ANKS6: variants seen among roughly 807,000 people sequenced by gnomAD.
ANKS6 encodes ankyrin repeat and sterile alpha motif domain containing 6.
Under a neutral mutation model 77.9 loss-of-function variants are expected in ANKS6, and 47 were observed. The ratio of observed to expected loss-of-function variants is 0.60; its 90% CI spans 0.48 to 0.77. The LOEUF (loss-of-function observed/expected upper bound fraction) is 0.77, where lower values mean the gene tolerates loss of function less well. ANKS6 is among the 30% of genes least tolerant of loss of function. ANKS6 has a pLI of 0.00. For synonymous variants in ANKS6, 488 were observed against 501.7 expected (o/e 0.97, Z 0.37); for missense variants, 1,150 against 1,159.1 (o/e 0.99, Z 0.11).
At chr9:98,738,884 G>GAT (rs926531009) in intron 14 of ANKS6, among the ~76,000 whole-genome samples, 10 of 152,240 alleles carry the variant, frequency 6.6e-5, no homozygotes, top group African/African-American at 1.7e-4. Context: ...AGAAAACTGT[G>GAT]ATATATATAT....
At chr9:98,787,853 T>C (rs1372262922) in intron 2 of ANKS6, among the ~76,000 whole-genome samples, 1 of 152,244 alleles carries the variant, frequency 6.6e-6, no homozygotes, top group Non-Finnish European at 1.5e-5. Context: ...CAGATCCTGC[T>C]GGAAGACCCG....
At chr9:98,756,638 C>A in intron 11 of ANKS6, 35 bp from the exon 12 acceptor site, 1 of 1,454,472 alleles carries the variant, frequency 6.9e-7, no homozygotes, top group Non-Finnish European at 9.1e-7. Flanking sequence ...CATAAGCCAT[C>A]ACCTGTAGGG....
At position 98,756,408 on chromosome 9, in the gene ANKS6, C is replaced by G. The variant is rs1201078907; in HGVS notation, c.2326+12G>C. 1 of 1,610,248 alleles carries G rather than the reference C, an allele frequency of 6.2e-7. No homozygotes were observed. Among genetic ancestry groups the G allele is most frequent in the Non-Finnish European group, 8.5e-7 (1 of 1,178,420 alleles). On this transcript the variant is annotated intron_variant, in intron 12 of 14. Transcript: ENST00000353234. ...AGGAATAGGTGGGGTTTCAGGCCCT[C>G]AGGGGACTCACCCTCATCTGTGATG... is the stretch of plus-strand genomic sequence containing the variant.
chr9:98,736,381 A>G lies in ANKS6; in HGVS notation c.*138T>C. ...GAAGTACTACCAATGAATGCCGTCG[A>G]CGTGAAGTGGGCATCCCGAGCAAAG... On this transcript the variant is annotated 3_prime_UTR_variant, in exon 15 of 15. Coordinates refer to ENST00000353234, the MANE Select transcript of ANKS6 (RefSeq NM_173551.5). 1.4e-6 allele frequency: 2 copies of G among 1,432,684 alleles called. No individual in the cohort carries two copies. The highest frequency in any genetic ancestry group is 2.5e-5 in the East Asian group (1 of 39,650). The allele number at this position is 1,432,684 out of a possible 1,614,324, so 88.7% of individuals were successfully genotyped here.
At position 98,784,058 on chromosome 9, in the gene ANKS6, G is replaced by C; in HGVS notation, c.1007C>G (p.Thr336Arg). The C allele has an allele frequency of 1.2e-6, 2 of 1,611,072 alleles. No individual in the cohort carries two copies. Among genetic ancestry groups the C allele is most frequent in the East Asian group, 4.5e-5 (2 of 44,708 alleles). ...CAGCTGCACCAGAGCCAGCTGCCCCGTAACAGCTGCTAGCATCAGTGGCGT... is the reference window on the plus strand; with the variant it reads ...CAGCTGCACCAGAGCCAGCTGCCCCCTAACAGCTGCTAGCATCAGTGGCGT... ...GATPLMLAAV[T>R]GQLALVQLLV... The change falls in exon 4 of 15, where the codon ACG becomes AGG. Residue 336 changes from threonine to arginine, a missense_variant. By Grantham distance (71) the Thr-to-Arg change is moderately conservative. Transcript: ENST00000353234.
intron 1 of ANKS6, among the ~76,000 whole-genome samples, chr9:98,793,001 C>T (rs1439173739): frequency 2.0e-5 from 3 of 152,174 alleles, no homozygotes; most frequent in African/African-American, 7.2e-5. Flanking sequence ...AGGTAACTGC[C>T]GGAGATGGGC....
Position 98,751,107 on chromosome 9 carries a change from G to C in ANKS6, c.2327-11C>G. 1 of 1,588,208 alleles carries C rather than the reference G, an allele frequency of 6.3e-7. No individual in the cohort carries two copies. The highest frequency in any genetic ancestry group is 8.6e-7 in the Non-Finnish European group (1 of 1,168,252). On this transcript the variant is annotated splice_polypyrimidine_tract_variant and intron_variant, in intron 12 of 14. Transcript: ENST00000353234. ...TTCCAGTCAGTTCATCTTCAAGATGGAAAGGTGAAAAAAAAACAACACATT... is the reference window on the plus strand; with the variant it reads ...TTCCAGTCAGTTCATCTTCAAGATGCAAAGGTGAAAAAAAAACAACACATT...
intron 11 of ANKS6, 129 bp downstream of exon 11, chr9:98,767,952 G>T: frequency 1.5e-6 from 2 of 1,290,958 alleles, no homozygotes; most frequent in Non-Finnish European, 2.1e-6. Flanking sequence ...GCCCAGGAGT[G>T]GCTGGCTGGA....
intron 11 of ANKS6, among the ~76,000 whole-genome samples, chr9:98,757,181 C>T (rs903618361): frequency 6.6e-6 from 1 of 152,192 alleles, no homozygotes; most frequent in East Asian, 1.9e-4. Context: ...ATATCTACAT[C>T]GTCACAGTAT....
Position 98,778,400 on chromosome 9 carries a change from G to T in ANKS6, c.1393C>A (p.Arg465=). The change falls in exon 7 of 15, where the codon CGG becomes AGG. Residue 465 remains arginine (R), a synonymous_variant. Transcript: ENST00000353234. ...LKSWWNRMSN[R]FRKLKLMQTL... ...TGCATCAGTTTGAGCTTTCGGAACC[G>T]ATTGGACATTCGGTTCCACCAGGAC... 5 of 1,613,998 alleles carry T rather than the reference G, an allele frequency of 3.1e-6. No individual in the cohort carries two copies. Among genetic ancestry groups the T allele is most frequent in the East Asian group, 2.2e-5 (1 of 44,868 alleles).
chr9:98,791,613 T>C lies in ANKS6; in HGVS notation c.360-1007A>G, dbSNP rs1164679747. Among the ~76,000 whole-genome samples the C allele has an allele frequency of 6.6e-6, 1 of 152,126 alleles. No homozygotes were observed. Among genetic ancestry groups the C allele is most frequent in the Non-Finnish European group, 1.5e-5 (1 of 68,034 alleles). On this transcript the variant is annotated intron_variant, in intron 1 of 14. Transcript: ENST00000353234. This position sits in a 1 kb window ranked among gnomAD's most constrained non-coding sequence, Gnocchi z 4.3. ...CGGCCCTGGACTAACAAGAAAACAA[T>C]GACAAGACAGGGGCTGTCTACTCCA...
intron 11 of ANKS6, among the ~76,000 whole-genome samples, chr9:98,760,163 C>A (rs184584604): frequency 2.1e-4 from 32 of 152,150 alleles, no homozygotes; most frequent in Middle Eastern, 3.4e-3. Context: ...GGGCAAGGCA[C>A]GGAGGAAGGG....
chr9:98,767,321 C>A (rs532511998), intron 11 of ANKS6, among the ~76,000 whole-genome samples: 125 of 152,270 alleles, frequency 8.2e-4, no homozygotes, highest in African/African-American at 3.0e-3. Flanking sequence ...TTCCCTCACA[C>A]CAGAACAGTT....
chr9:98,778,268 G>T lies in ANKS6; in HGVS notation c.1525C>A (p.Arg509Ser), dbSNP rs150567578. 477 of 1,614,186 alleles carry T rather than the reference G, an allele frequency of 3.0e-4. No individual in the cohort carries two copies. In the African/African-American group the frequency reaches 5.8e-3, roughly 19 times the overall value. Residue 509 changes from arginine (R) to serine (S), a missense_variant, in exon 7 of 15, where the codon CGC becomes AGC. Physicochemically the swap from Arg to Ser is moderately radical, Grantham distance 110. Coordinates refer to ENST00000353234, the MANE Select transcript of ANKS6 (RefSeq NM_173551.5). Reference sequence around the variant, plus strand: ...GGGGCCGCATCAGGGAGTGCAGAGCGGCTTGTCTTGTCCTGGGGGGCAGCC... The same window carrying T: ...GGGGCCGCATCAGGGAGTGCAGAGCTGCTTGTCTTGTCCTGGGGGGCAGCC... ...MRAAPQDKTS[R>S]SALPDAAPVT...
intron 8 of ANKS6, among the ~76,000 whole-genome samples, chr9:98,776,768 C>T (rs1324665594): frequency 6.6e-6 from 1 of 152,172 alleles, no homozygotes; most frequent in East Asian, 1.9e-4. Context: ...CTCTCTCCTG[C>T]TGGCTGGAAT....
intron 2 of ANKS6, among the ~76,000 whole-genome samples, chr9:98,788,595 A>G (rs191983465): frequency 1.3e-5 from 2 of 152,102 alleles, no homozygotes; most frequent in Admixed American, 1.3e-4. Flanking sequence ...AGTCCCTAAC[A>G]CTCTACTGGG....
chr9:98,734,957 A>G lies in ANKS6; in HGVS notation c.*1562T>C. On this transcript the variant is annotated 3_prime_UTR_variant, in exon 15 of 15. Transcript: ENST00000353234. ...CACCCAACCATCAGGGCAGGGGAAG[A>G]AAACTACGAGGCTCTGGGCAGTAAG... 1.0e-6 allele frequency: 1 copy of G among 985,494 alleles called. No individual in the cohort carries two copies. Among genetic ancestry groups the G allele is most frequent in the Non-Finnish European group, 1.2e-6 (1 of 829,952 alleles). 61.0% of individuals were successfully genotyped at this position (985,494 alleles called of 1,614,324 possible). A position where few individuals can be genotyped will look rare whatever the true frequency, so the allele number is the denominator to read the frequency against.
chr9:98,768,067 C>A lies in ANKS6; in HGVS notation c.2142+14G>T, dbSNP rs545751955. On this transcript the variant is annotated intron_variant, in intron 11 of 14. Transcript: ENST00000353234. ...CTGTGAGTGTAACAGGAGGAGGCCA[C>A]ACAAAACAAGCACCTTGCCAACAGG... 87 of 1,597,438 alleles carry A rather than the reference C, an allele frequency of 5.4e-5. No individual in the cohort carries two copies. The highest frequency in any genetic ancestry group is 3.6e-4 in the Admixed American group (21 of 57,570).
chr9:98,787,773 G>C (rs935700758), intron 2 of ANKS6, among the ~76,000 whole-genome samples: 4 of 152,204 alleles, frequency 2.6e-5, no homozygotes, highest in Non-Finnish European at 5.9e-5. Flanking sequence ...CAATTAAGAT[G>C]ACCAAGACCA....
Sources: gnomAD v4.1 joint callset for allele counts (sites outside exome capture counted in the v4.1 genomes callset) on GRCh38, gnomAD v4.1.1 for gene constraint, Gnocchi (gnomAD v3.1) non-coding constraint, MANE v1.5 for transcripts, NCBI Gene and HGNC (gene_info 2026-07-23, HGNC 2026-07-21) for gene names.